HPSE: variants seen among roughly 807,000 people sequenced by gnomAD.
The protein encoded by HPSE is heparanase, also known as endo-glucoronidase.
A neutral mutation model predicts 65.1 loss-of-function variants in HPSE; 48 were observed. The ratio of observed to expected loss-of-function variants is 0.74; its 90% CI spans 0.58 to 0.94. The LOEUF is 0.94. Among genes scored for constraint, HPSE ranks in the 40% least tolerant of loss-of-function variants. The probability of loss-of-function intolerance (pLI) is 0.00; values close to 1 mark genes in which losing one functional copy is unlikely to be tolerated. For missense variants in HPSE, 644 were observed against 637.5 expected (o/e 1.01, Z -0.11); for synonymous variants, 243 against 260.0 (o/e 0.93, Z 0.63).
In HPSE at chr4:83,310,082, GA is replaced by G. The variant is rs750091899; in HGVS notation, c.843-5del. ...TTCTCCACCAGCCTTCAGGAAGCTA[GA>G]AAAAAAATTTTATTATCACTCAGTC... On this transcript the variant is annotated splice_polypyrimidine_tract_variant and splice_region_variant and intron_variant, in intron 5 of 11. Coordinates refer to ENST00000311412, the MANE Select transcript of HPSE (RefSeq NM_001098540.3). 1.9e-5 allele frequency: 31 copies of G among 1,605,420 alleles called. No individual in the cohort carries two copies. The highest frequency in any genetic ancestry group is 1.2e-4 in the South Asian group (11 of 90,410).
At chr4:83,301,232 G>T (rs920495173) in intron 10 of HPSE, 126 bp from the exon 11 acceptor site, 57 of 567,392 alleles carry the variant, frequency 1.0e-4, no homozygotes, top group Non-Finnish European at 1.5e-4. Flanking sequence ...CTAAGTATTA[G>T]GATCCATAAT....
chr4:83,298,783 G>C (rs1310609487), intron 11 of HPSE, among the ~76,000 whole-genome samples: 4 of 151,934 alleles, frequency 2.6e-5, no homozygotes, highest in Admixed American at 2.6e-4. Context: ...AGCTGTGACC[G>C]CACCACTACT....
chr4:83,310,820 T>C lies in HPSE; in HGVS notation c.744A>G (p.Gln248=). 1.2e-6 allele frequency: 2 copies of C among 1,613,936 alleles called. No individual in the cohort carries two copies. The highest frequency in any genetic ancestry group is 1.7e-6 in the Non-Finnish European group (2 of 1,179,792). ...NGSQLGEDFI[Q]LHKLLRKSTF... is the part of the protein sequence containing the mutation. The stretch of plus-strand genomic sequence containing the variant: ...TGGACTTTCTTAGAAGTTTATGCAA[T>C]TGAATAAAATCTTCTCCTAACTGCG... Residue 248 remains glutamine, a synonymous_variant, in exon 5 of 12, where the codon CAA becomes CAG. Transcript: ENST00000311412.
rs187104822 is a variant in HPSE at position 83,293,541 on chromosome 4, T to C, written c.*1803A>G. On this transcript the variant is annotated 3_prime_UTR_variant, in exon 12 of 12. Transcript: ENST00000311412. ...TATGTGGGAATATACATTTCCTTAT[T>C]GCTTAAGCCATTTGAATTAGGAGTT... 3 of 152,350 alleles carry C rather than the reference T, an allele frequency of 2.0e-5. No homozygotes were observed. The highest frequency in any genetic ancestry group is 6.5e-5 in the Admixed American group (1 of 15,304). 9.4% of individuals were successfully genotyped at this position (152,350 alleles called of 1,614,324 possible).
rs757440264 is a variant in HPSE, at chr4:83,306,249, C to T, written c.1160G>A (p.Gly387Glu). 7 of 1,613,648 alleles carry T rather than the reference C, an allele frequency of 4.3e-6. No homozygotes were observed. Among genetic ancestry groups the T allele is most frequent in the Non-Finnish European group, 5.9e-6 (7 of 1,179,694 alleles). Residue 387 changes from glycine (G) to glutamate (E), a missense_variant, in exon 9 of 12, where the codon GGA (glycine) becomes GAA (glutamate). Transcript: ENST00000311412. ...IEVVMRQVFFGAGNYHLVDEN... is the reference protein window; with the variant it reads ...IEVVMRQVFFEAGNYHLVDEN... Reference sequence around the variant, plus strand: ...ATCCACTAAATGGTAGTTTCCTGCTCCAAAGAATACTTGCCTCATCACCAC... The same window carrying T: ...ATCCACTAAATGGTAGTTTCCTGCTTCAAAGAATACTTGCCTCATCACCAC...
intron 5 of HPSE, 149 bp from the exon 6 acceptor site, chr4:83,310,227 A>C: frequency 1.7e-6 from 1 of 586,034 alleles, no homozygotes; most frequent in Non-Finnish European, 3.0e-6. Context: ...AAATTTTATC[A>C]TAGGTGACAT....
Position 83,293,606 on chromosome 4 carries a change from G to A in HPSE, c.*1738C>T, listed in dbSNP as rs949782849. 1 of 152,222 alleles carries A rather than the reference G, an allele frequency of 6.6e-6. No individual in the cohort carries two copies. Among genetic ancestry groups the A allele is most frequent in the Non-Finnish European group, 1.5e-5 (1 of 68,036 alleles). The allele number at this position is 152,222 out of a possible 1,614,324, so 9.4% of individuals were successfully genotyped here. A position where few individuals can be genotyped will look rare whatever the true frequency, so the allele number is the denominator to read the frequency against. ...CCAAAAGCTTCCCAACTGAAACAAG[G>A]AAGAAAGGTAGAGAAAAAGCAAGCA... is the stretch of plus-strand genomic sequence containing the variant. On this transcript the variant is annotated 3_prime_UTR_variant, in exon 12 of 12. Transcript: ENST00000311412.
At chr4:83,320,845 T>C (rs1337445716) in intron 2 of HPSE, among the ~76,000 whole-genome samples, 1 of 152,108 alleles carries the variant, frequency 6.6e-6, no homozygotes, top group Non-Finnish European at 1.5e-5. Flanking sequence ...CAAAGGACAG[T>C]TTCCTGTCTA....
At chr4:83,309,629 G>A (rs967663538) in intron 6 of HPSE, 134 bp from the exon 7 acceptor site, 6 of 641,898 alleles carry the variant, frequency 9.3e-6, no homozygotes, top group African/African-American at 5.7e-5. Context: ...GTTCTACTAG[G>A]GAAAGACCAA....
chr4:83,318,422 C>T (rs915068896), intron 3 of HPSE, among the ~76,000 whole-genome samples: 29 of 152,074 alleles, frequency 1.9e-4, no homozygotes, highest in Admixed American at 4.6e-4. Context: ...GTCAGGAGTT[C>T]GAGACGAGCC....
chr4:83,334,335 C>A (rs141030645), intron 1 of HPSE, among the ~76,000 whole-genome samples: 1 of 152,014 alleles, frequency 6.6e-6, no homozygotes, highest in African/African-American at 2.4e-5. Context: ...CTTGTAACCC[C>A]TAAATCTATT....
chr4:83,325,628 T>C (rs1445880038), intron 1 of HPSE, among the ~76,000 whole-genome samples: 2 of 152,218 alleles, frequency 1.3e-5, no homozygotes, highest in Non-Finnish European at 2.9e-5. Flanking sequence ...GCTGTTCTCA[T>C]ACAATTTGTA....
intron 8 of HPSE, among the ~76,000 whole-genome samples, chr4:83,306,616 A>AT (rs1736156525): frequency 1.3e-5 from 2 of 152,150 alleles, no homozygotes; most frequent in South Asian, 4.1e-4. Flanking sequence ...ATCAGACCTC[A>AT]TTGACTCCAT....
chr4:83,334,841 C>T lies in HPSE; in HGVS notation c.-59G>A, dbSNP rs958470260. On this transcript the variant is annotated 5_prime_UTR_variant, in exon 1 of 12. Coordinates refer to ENST00000311412, the MANE Select transcript of HPSE (RefSeq NM_001098540.3). ...GCCGCGCAGCGGAGAGTCGAGAGCT[C>T]TAGCACTTCCTCCCGCCGAGCCCCA... 1.7e-5 allele frequency: 24 copies of T among 1,446,604 alleles called. No homozygotes were observed. The Admixed American group carries it at 4.2e-4, about 25-fold the overall frequency. The allele number at this position is 1,446,604 out of a possible 1,614,324, so 89.6% of individuals were successfully genotyped here.
At chr4:83,329,590 G>T (rs1370680664) in intron 1 of HPSE, among the ~76,000 whole-genome samples, 4 of 152,150 alleles carry the variant, frequency 2.6e-5, no homozygotes, top group Non-Finnish European at 5.9e-5. Flanking sequence ...TTTAGTATTT[G>T]CCAATTTCCA....
At chr4:83,312,434 T>C (rs2126188909) in intron 4 of HPSE, among the ~76,000 whole-genome samples, 1 of 152,124 alleles carries the variant, frequency 6.6e-6, no homozygotes, top group African/African-American at 2.4e-5. Flanking sequence ...TCCCACCACT[T>C]TGGGACGCCG....
intron 9 of HPSE, among the ~76,000 whole-genome samples, chr4:83,302,804 T>C (rs925112925): frequency 3.9e-5 from 6 of 152,032 alleles, no homozygotes; most frequent in Non-Finnish European, 2.9e-5. Context: ...TGAAACCCCT[T>C]CTGTACACAA....
Position 83,308,960 on chromosome 4 carries a change from C to T in HPSE, c.985-9G>A, listed in dbSNP as rs756849386. 1 of 1,611,008 alleles carries T rather than the reference C, an allele frequency of 6.2e-7. No individual in the cohort carries two copies. Among genetic ancestry groups the T allele is most frequent in the African/African-American group, 1.3e-5 (1 of 74,986 alleles). On this transcript the variant is annotated splice_polypyrimidine_tract_variant and intron_variant, in intron 7 of 11. Transcript: ENST00000311412. The stretch of plus-strand genomic sequence containing the variant: ...CTGGTGCTCTCAACCACCTATAGAA[C>T]AGAAAAGTATCCATGGTAATTGCAA...
At chr4:83,321,895 C>T (rs1736907391) in intron 2 of HPSE, among the ~76,000 whole-genome samples, 1 of 151,398 alleles carries the variant, frequency 6.6e-6, no homozygotes, top group Non-Finnish European at 1.5e-5. Flanking sequence ...ATTCTACCCA[C>T]TTGCTCCCTC....
Sources: gnomAD v4.1 joint callset for allele counts (sites outside exome capture counted in the v4.1 genomes callset) on GRCh38, gnomAD v4.1.1 for gene constraint, MANE v1.5 for transcripts, NCBI Gene and HGNC (gene_info 2026-07-23, HGNC 2026-07-21) for gene names.